LRBA: variants seen among roughly 807,000 people sequenced by gnomAD.
The protein encoded by LRBA is LPS responsive beige-like anchor protein, also known as lipopolysaccharide-responsive and beige-like anchor protein.
A neutral mutation model predicts 330.0 loss-of-function variants in LRBA; 176 were observed. The observed-to-expected ratio is 0.53, with a 90% CI of 0.47 to 0.60. The LOEUF (loss-of-function observed/expected upper bound fraction) is 0.60, where lower values mean the gene tolerates loss of function less well. Among genes scored for constraint, LRBA ranks in the 20% least tolerant of loss-of-function variants. The probability of loss-of-function intolerance (pLI) is 0.00; values close to 1 mark genes in which losing one functional copy is unlikely to be tolerated. For synonymous variants in LRBA, 1,230 were observed against 1,193.0 expected (o/e 1.03, Z -0.64); for missense variants, 3,259 against 3,444.8 (o/e 0.95, Z 1.35).
At chr4:150,303,614 C>T (rs571801568) in intron 52 of LRBA, among the ~76,000 whole-genome samples, 1 of 151,638 alleles carries the variant, frequency 6.6e-6, no homozygotes, top group African/African-American at 2.4e-5. Flanking sequence ...TTCTGTCGCC[C>T]AGGCTGGAGT....
At chr4:150,884,542 T>C (rs573981572) in intron 17 of LRBA, among the ~76,000 whole-genome samples, 2 of 152,254 alleles carry the variant, frequency 1.3e-5, no homozygotes, top group South Asian at 2.1e-4. Context: ...AGCTAAATCA[T>C]TGACTGAACT....
chr4:150,972,702 A>T (rs527978885), intron 2 of LRBA, among the ~76,000 whole-genome samples: 2 of 152,364 alleles, frequency 1.3e-5, no homozygotes, highest in East Asian at 3.9e-4. Flanking sequence ...AGACTAAAGC[A>T]ATCTTTGTCA....
At chr4:150,575,333 C>A (rs376957847) in intron 40 of LRBA, among the ~76,000 whole-genome samples, 1 of 151,924 alleles carries the variant, frequency 6.6e-6, no homozygotes, top group African/African-American at 2.4e-5. Flanking sequence ...ATCACTTTTA[C>A]TCTAATTCAT....
chr4:150,787,086 G>C (rs191260927), intron 34 of LRBA, among the ~76,000 whole-genome samples: 2 of 152,158 alleles, frequency 1.3e-5, no homozygotes, highest in East Asian at 1.9e-4. Context: ...AAAAAAAGTC[G>C]CCAGGCATGA....
At position 150,896,425 on chromosome 4, in the gene LRBA, G is replaced by C. The variant is rs769836776; in HGVS notation, c.2036C>G (p.Ala679Gly). The change falls in exon 16 of 57, where the codon GCC becomes GGC. Residue 679 changes from alanine to glycine, a missense_variant. Transcript: ENST00000651943. Reference sequence around the variant, plus strand: ...CATAGTCAGTAGGTAATTAAGAATGGCCTGTAATTCATCTTCCTTTACTCC... The same window carrying C: ...CATAGTCAGTAGGTAATTAAGAATGCCCTGTAATTCATCTTCCTTTACTCC... Reference protein sequence around the residue: ...DSGVKEDELQAILNYLLTMHE... With the variant: ...DSGVKEDELQGILNYLLTMHE... 10 of 1,543,678 alleles carry C rather than the reference G, an allele frequency of 6.5e-6. No individual in the cohort carries two copies. The highest frequency in any genetic ancestry group is 1.7e-4 in the Middle Eastern group (1 of 5,886).
At chr4:150,566,008 A>C (rs372387130) in intron 40 of LRBA, among the ~76,000 whole-genome samples, 3 of 151,240 alleles carry the variant, frequency 2.0e-5, no homozygotes. Context: ...TAAGAGGATC[A>C]CTTAAACCCA....
chr4:150,977,875 A>G (rs1324108332), intron 2 of LRBA, among the ~76,000 whole-genome samples: 1 of 152,212 alleles, frequency 6.6e-6, no homozygotes, highest in Non-Finnish European at 1.5e-5. Flanking sequence ...CACAGAATAG[A>G]GCACCAGTCA....
At chr4:150,779,911 T>G (rs896381759) in intron 34 of LRBA, among the ~76,000 whole-genome samples, 1 of 152,210 alleles carries the variant, frequency 6.6e-6, no homozygotes, top group Non-Finnish European at 1.5e-5. Context: ...TGCCTAGTGG[T>G]GAAGTTAATT....
intron 2 of LRBA, among the ~76,000 whole-genome samples, chr4:150,944,573 G>T (rs1353806337): frequency 6.9e-6 from 1 of 144,788 alleles, no homozygotes; most frequent in South Asian, 2.2e-4. Context: ...GTATAAATGA[G>T]AAAAAAAAAA....
At chr4:150,620,665 T>C (rs1241130720) in intron 37 of LRBA, among the ~76,000 whole-genome samples, 1 of 152,182 alleles carries the variant, frequency 6.6e-6, no homozygotes, top group African/African-American at 2.4e-5. Flanking sequence ...ACAACTTGGA[T>C]GGAGGTGTAG....
intron 48 of LRBA, among the ~76,000 whole-genome samples, chr4:150,335,762 T>C (rs769733004): frequency 2.6e-5 from 4 of 152,160 alleles, no homozygotes; most frequent in Admixed American, 6.5e-5. Context: ...AGTGATATGA[T>C]CTCAGCTCAC....
chr4:150,798,895 C>T (rs1741179279), intron 33 of LRBA, among the ~76,000 whole-genome samples: 1 of 152,048 alleles, frequency 6.6e-6, no homozygotes, highest in Admixed American at 6.6e-5. Context: ...AAAAAAATTA[C>T]AATTTTTTTA....
chr4:150,285,896 G>C (rs771810772), intron 54 of LRBA, 37 bp downstream of exon 54: 1 of 1,331,136 alleles, frequency 7.5e-7, no homozygotes, highest in South Asian at 1.6e-5. Context: ...AAGACAGCAA[G>C]AAATGCATCC....
At position 150,852,179 on chromosome 4, in the gene LRBA, A is replaced by G. The variant is rs531152594; in HGVS notation, c.3531T>C (p.Ser1177=). The G allele has an allele frequency of 3.8e-5, 61 of 1,614,154 alleles. No individual in the cohort carries two copies. In the South Asian group the frequency reaches 6.5e-4, roughly 17 times the overall value. Residue 1177 remains serine (S), a synonymous_variant, in exon 23 of 57, where the codon TCT becomes TCC. Transcript: ENST00000651943. ...TDTETQDSKD[S]GIQTMTASGS... is the part of the protein sequence containing the mutation. ...CTGATGCTGTCATAGTCTGAATTCC[A>G]GAATCTTTAGAATCTTGAGTTTCAG... is the stretch of plus-strand genomic sequence containing the variant.
chr4:150,794,948 G>A (rs1740564277), intron 34 of LRBA, among the ~76,000 whole-genome samples: 1 of 152,118 alleles, frequency 6.6e-6, no homozygotes, highest in South Asian at 2.1e-4. Flanking sequence ...TTGAGTATCC[G>A]AAGGAATGAT....
At chr4:150,511,416 C>T (rs1421296707) in intron 40 of LRBA, among the ~76,000 whole-genome samples, 2 of 152,172 alleles carry the variant, frequency 1.3e-5, no homozygotes, top group Non-Finnish European at 2.9e-5. Flanking sequence ...TTCTTATCAT[C>T]TTTTACCATT....
chr4:150,538,878 T>A (rs1377002600), intron 40 of LRBA, among the ~76,000 whole-genome samples: 1 of 151,372 alleles, frequency 6.6e-6, no homozygotes, highest in Non-Finnish European at 1.5e-5. Context: ...GGTGACAGGA[T>A]CATTCCTACC....
intron 30 of LRBA, among the ~76,000 whole-genome samples, chr4:150,827,793 G>C (rs1472699279): frequency 6.6e-6 from 1 of 151,728 alleles, no homozygotes; most frequent in African/African-American, 2.4e-5. Context: ...GTAGAGACTG[G>C]GTTTCACCAT....
chr4:150,544,068 A>T (rs1765594640), intron 40 of LRBA, among the ~76,000 whole-genome samples: 1 of 151,860 alleles, frequency 6.6e-6, no homozygotes, highest in Non-Finnish European at 1.5e-5. Context: ...CTACCTGTCC[A>T]GCTTTGCCTC....
Sources: gnomAD v4.1 joint callset for allele counts (sites outside exome capture counted in the v4.1 genomes callset) on GRCh38, gnomAD v4.1.1 for gene constraint, MANE v1.5 for transcripts, NCBI Gene and HGNC (gene_info 2026-07-23, HGNC 2026-07-21) for gene names.